The following PCSK6 variants were observed in gnomAD, a reference collection of about 807,000 sequenced individuals.
PCSK6 encodes proprotein convertase subtilisin/kexin type 6.
A neutral mutation model predicts 123.3 loss-of-function variants in PCSK6; 85 were observed. The ratio of observed to expected loss-of-function variants is 0.69; its 90% CI spans 0.58 to 0.83. PCSK6 has a LOEUF of 0.83. PCSK6 is among the 40% of genes least tolerant of loss of function. The pLI, the probability that PCSK6 is intolerant of heterozygous loss-of-function variation, is 0.00. For synonymous variants in PCSK6, 508 were observed against 516.0 expected (o/e 0.98, Z 0.21); for missense variants, 1,191 against 1,282.3 (o/e 0.93, Z 1.09).
intron 6 of PCSK6, among the ~76,000 whole-genome samples, chr15:101,424,753 T>A (rs76567297): frequency 1.3e-5 from 2 of 152,228 alleles, no homozygotes; most frequent in Non-Finnish European, 2.9e-5. Context: ...ATGACAGTGA[T>A]GGTGAATGGA....
At chr15:101,409,058 G>A (rs1045952783) in intron 6 of PCSK6, among the ~76,000 whole-genome samples, 4 of 152,192 alleles carry the variant, frequency 2.6e-5, no homozygotes, top group African/African-American at 9.7e-5. Flanking sequence ...TGTTTGTCAG[G>A]TGGGAGGGCT....
At position 101,489,477 on chromosome 15, in the gene PCSK6, G is replaced by A. The variant is rs2058115241; in HGVS notation, c.194C>T (p.Pro65Leu). The change falls in exon 1 of 22, where the codon CCG (proline) becomes CTG (leucine). Residue 65 changes from proline (P) to leucine (L), a missense_variant. Physicochemically the swap from Pro to Leu is moderately conservative, Grantham distance 98 (BLOSUM62 -3). Transcript: ENST00000611716. ...LALPAACSAP[P>L]PRPVYTNHWA... ...GTGGTTGGTGTAGACGGGGCGCGGC[G>A]GGGGCGCGGAGCAGGCGGCAGGCAG... 9.1e-7 allele frequency: 1 copy of A among 1,095,214 alleles called. No homozygotes were observed. The highest frequency in any genetic ancestry group is 3.4e-5 in the South Asian group (1 of 29,252). 67.8% of individuals were successfully genotyped at this position (1,095,214 alleles called of 1,614,324 possible).
intron 7 of PCSK6, among the ~76,000 whole-genome samples, chr15:101,394,864 G>C (rs907489089): frequency 2.0e-5 from 3 of 152,292 alleles, no homozygotes; most frequent in East Asian, 3.9e-4. Context: ...CGCTGCTTAA[G>C]GCTGCCGCGT....
chr15:101,366,764 CT>C (rs1271445514), intron 12 of PCSK6, among the ~76,000 whole-genome samples: 3 of 152,194 alleles, frequency 2.0e-5, no homozygotes, highest in Non-Finnish European at 4.4e-5. Context: ...GGGGGTCCCC[CT>C]GGGGTACCTT....
At chr15:101,366,033 G>A (rs2041376926) in intron 13 of PCSK6, 163 bp downstream of exon 13, 2 of 681,122 alleles carry the variant, frequency 2.9e-6, no homozygotes, top group Non-Finnish European at 4.7e-6. Flanking sequence ...CCACTGAACT[G>A]TCCACTTAAA....
intron 13 of PCSK6, among the ~76,000 whole-genome samples, chr15:101,365,220 T>G (rs373717731): frequency 1.3e-5 from 2 of 152,300 alleles, no homozygotes; most frequent in African/African-American, 4.8e-5. Context: ...TCTCTGTGAC[T>G]TTGGGTTAGG....
At chr15:101,423,808 A>C (rs888066049) in intron 6 of PCSK6, among the ~76,000 whole-genome samples, 2 of 152,236 alleles carry the variant, frequency 1.3e-5, no homozygotes, top group African/African-American at 4.8e-5. Context: ...ATTTTCTTTA[A>C]AAAGAATAAC....
At chr15:101,385,520 T>A (rs1290597863) in intron 9 of PCSK6, among the ~76,000 whole-genome samples, 1 of 152,204 alleles carries the variant, frequency 6.6e-6, no homozygotes, top group Non-Finnish European at 1.5e-5. Flanking sequence ...ACAAAAATTC[T>A]AAGAGATATG....
chr15:101,399,719 T>A (rs915595800), intron 6 of PCSK6, among the ~76,000 whole-genome samples: 2 of 152,018 alleles, frequency 1.3e-5, no homozygotes, highest in African/African-American at 4.8e-5. Context: ...CTTCCTGGAT[T>A]CTAGTAGATA....
At chr15:101,314,274 G>C (rs1045088744) in intron 19 of PCSK6, among the ~76,000 whole-genome samples, 6 of 152,224 alleles carry the variant, frequency 3.9e-5, no homozygotes, top group African/African-American at 1.4e-4. Context: ...AGGAGGACCT[G>C]TCGACCTGGG....
chr15:101,314,790 T>A (rs2039950446), intron 19 of PCSK6, among the ~76,000 whole-genome samples: 1 of 152,170 alleles, frequency 6.6e-6, no homozygotes, highest in South Asian at 2.1e-4. Flanking sequence ...ACCGTCTTCA[T>A]GGCAGGTGTC....
chr15:101,479,913 A>AG (rs1485806054), intron 1 of PCSK6, among the ~76,000 whole-genome samples: 1 of 152,304 alleles, frequency 6.6e-6, no homozygotes, highest in African/African-American at 2.4e-5. Flanking sequence ...CAGTCCAGGA[A>AG]GGGGGACAGG....
At chr15:101,326,314 G>C in intron 16 of PCSK6, 63 bp downstream of exon 16, 2 of 1,287,812 alleles carry the variant, frequency 1.6e-6, no homozygotes, top group South Asian at 2.6e-5. Flanking sequence ...GACATGGAGG[G>C]GCTAAGGATA....
chr15:101,478,397 G>T (rs1274394647), intron 1 of PCSK6, among the ~76,000 whole-genome samples: 2 of 152,154 alleles, frequency 1.3e-5, no homozygotes, highest in Admixed American at 6.5e-5. Context: ...GAGAGGCTGA[G>T]TACAGGCACG....
intron 6 of PCSK6, among the ~76,000 whole-genome samples, chr15:101,408,181 G>C (rs1232054459): frequency 6.6e-6 from 1 of 152,230 alleles, no homozygotes; most frequent in Non-Finnish European, 1.5e-5. Flanking sequence ...CCTAGAGGAG[G>C]CGCACGTGCC....
intron 19 of PCSK6, among the ~76,000 whole-genome samples, chr15:101,314,065 G>A (rs74341982): frequency 1.3e-5 from 2 of 152,206 alleles, no homozygotes; most frequent in South Asian, 2.1e-4. Context: ...AAGATGACGG[G>A]GGAAGATGAA....
At chr15:101,366,119 C>T (rs1420679397) in intron 13 of PCSK6, 77 bp downstream of exon 13, 25 of 1,400,390 alleles carry the variant, frequency 1.8e-5, no homozygotes, top group East Asian at 7.1e-5. Flanking sequence ...TCAGAGACTC[C>T]GTAGTTAAAT....
At chr15:101,329,540 G>A (rs1294666762) in intron 15 of PCSK6, among the ~76,000 whole-genome samples, 1 of 152,222 alleles carries the variant, frequency 6.6e-6, no homozygotes, top group African/African-American at 2.4e-5. Context: ...CTGGGCCTCT[G>A]CTTGAGCCTG....
chr15:101,407,888 T>C (rs1225088620), intron 6 of PCSK6, among the ~76,000 whole-genome samples: 1 of 152,236 alleles, frequency 6.6e-6, no homozygotes, highest in Non-Finnish European at 1.5e-5. Flanking sequence ...TGATTGTACA[T>C]ATTTAAACAG....
Sources: allele counts gnomAD v4.1 joint callset (sites outside exome capture counted in the v4.1 genomes callset), GRCh38; gene constraint gnomAD v4.1.1; transcripts MANE v1.5; gene names NCBI Gene and HGNC (gene_info 2026-07-23, HGNC 2026-07-21).